The following SCN10A variants were observed in gnomAD, a reference collection of about 807,000 sequenced individuals.
The protein encoded by SCN10A is sodium channel protein type 10 subunit alpha.
SCN10A carries 162 observed loss-of-function variants against 170.7 expected under a neutral mutation model. That is an observed-to-expected ratio of 0.95 (90% CI 0.84 to 1.08). The LOEUF (loss-of-function observed/expected upper bound fraction) is 1.08. Ranked by LOEUF, SCN10A falls within the 50% of genes least tolerant of loss-of-function variation. The pLI, the probability that SCN10A is intolerant of heterozygous loss-of-function variation, is 0.00. For synonymous variants in SCN10A, 985 were observed against 904.6 expected, an observed-to-expected ratio of 1.09 and a Z score of -1.59; for missense variants, 2,527 against 2,436.9, an observed-to-expected ratio of 1.04 and a Z score of -0.78.
At chr3:38,745,244 C>T (rs1304617571) in intron 13 of SCN10A, among the ~76,000 whole-genome samples, 1 of 152,282 alleles carries the variant, frequency 6.6e-6, no homozygotes, top group East Asian at 1.9e-4. Flanking sequence ...CATGGCCCCA[C>T]CTCAAAAGGA....
At chr3:38,740,373 C>A (rs1288285522) in intron 14 of SCN10A, among the ~76,000 whole-genome samples, 1 of 152,206 alleles carries the variant, frequency 6.6e-6, no homozygotes, top group Non-Finnish European at 1.5e-5. Context: ...AGGAGGAAAG[C>A]AACGACCAGG....
intron 4 of SCN10A, among the ~76,000 whole-genome samples, 157 bp from the exon 5 acceptor site, chr3:38,771,564 G>T (rs143785361): frequency 1.3e-5 from 2 of 152,134 alleles, no homozygotes; most frequent in African/African-American, 4.8e-5. Context: ...GGTAAGGAGA[G>T]GAAACAAGAC....
At chr3:38,752,148 C>G in intron 12 of SCN10A, 71 bp downstream of exon 12, 1 of 1,361,868 alleles carries the variant, frequency 7.3e-7, no homozygotes, top group African/African-American at 1.5e-5. Flanking sequence ...ATTGGTGATA[C>G]TCAGGCTTCT....
intron 16 of SCN10A, 29 bp downstream of exon 16, chr3:38,728,513 C>CAGTG: frequency 6.5e-7 from 1 of 1,529,424 alleles, no homozygotes; most frequent in Non-Finnish European, 8.8e-7. Context: ...CCCCAGGAGA[C>CAGTG]AGTGCCCCCA....
At chr3:38,806,676 T>C (rs1366033821) in intron 1 of SCN10A, among the ~76,000 whole-genome samples, 2 of 152,272 alleles carry the variant, frequency 1.3e-5, no homozygotes, top group South Asian at 2.1e-4. Context: ...GTAAGGTAAA[T>C]TATAGACAAA....
At chr3:38,726,110 A>G (rs1037855306) in intron 17 of SCN10A, among the ~76,000 whole-genome samples, 3 of 152,230 alleles carry the variant, frequency 2.0e-5, no homozygotes, top group African/African-American at 7.2e-5. Flanking sequence ...ATTTAAAAAT[A>G]TATATTATCA....
intron 26 of SCN10A, among the ~76,000 whole-genome samples, chr3:38,705,672 C>A (rs6422143): frequency 1.3e-5 from 2 of 152,116 alleles, no homozygotes; most frequent in Admixed American, 6.5e-5. Context: ...TGGGTGATGA[C>A]AGGGAAGAAG....
intron 4 of SCN10A, among the ~76,000 whole-genome samples, chr3:38,787,964 G>C (rs1374811461): frequency 6.6e-6 from 1 of 151,822 alleles, no homozygotes; most frequent in African/African-American, 2.4e-5. Context: ...ATGGTTTCCA[G>C]CTTCATCCAT....
chr3:38,751,732 G>A (rs2063749015), intron 12 of SCN10A, among the ~76,000 whole-genome samples: 1 of 152,110 alleles, frequency 6.6e-6, no homozygotes, highest in Non-Finnish European at 1.5e-5. Context: ...GCTCATTTTG[G>A]CAAATTATTT....
intron 13 of SCN10A, among the ~76,000 whole-genome samples, chr3:38,743,356 C>A (rs565855338): frequency 6.6e-6 from 1 of 152,324 alleles, no homozygotes; most frequent in South Asian, 2.1e-4. Flanking sequence ...ATCATCCAGA[C>A]CTGTCTCCCT....
In SCN10A at chr3:38,696,825, T is replaced by A. The variant is rs1252885091; in HGVS notation, c.*524A>T. On this transcript the variant is annotated 3_prime_UTR_variant, in exon 28 of 28. Transcript: ENST00000449082. ...GTGGACATACATTTAAAAATATTAATTTTAATGGATATCTCAAAGGCTTTT... is the reference window on the plus strand; with the variant it reads ...GTGGACATACATTTAAAAATATTAAATTTAATGGATATCTCAAAGGCTTTT... 1 of 158,328 alleles carries A rather than the reference T, an allele frequency of 6.3e-6. No individual in the cohort carries two copies. The highest frequency in any genetic ancestry group is 1.4e-5 in the Non-Finnish European group (1 of 71,118). 9.8% of individuals were successfully genotyped at this position (158,328 alleles called of 1,614,324 possible).
chr3:38,771,686 C>T (rs560051435), intron 4 of SCN10A, among the ~76,000 whole-genome samples: 316 of 152,274 alleles, frequency 2.1e-3, no homozygotes, highest in African/African-American at 7.4e-3. Flanking sequence ...AGGGCAGTAG[C>T]GGGTGAAGAG....
Position 38,752,612 on chromosome 3 carries a change from G to C in SCN10A, c.1462-100C>G, listed in dbSNP as rs1576002743. 12 of 971,588 alleles carry C rather than the reference G, an allele frequency of 1.2e-5. No homozygotes were observed. The East Asian group carries it at 3.0e-4, about 24-fold the overall frequency. The allele number at this position is 971,588 out of a possible 1,614,324, so 60.2% of individuals were successfully genotyped here. On this transcript the variant is annotated intron_variant, in intron 11 of 27. Transcript: ENST00000449082. ...TACCTACTCCCATTTCCCTGCCCCT[G>C]TCTTTATGACCTTTCAGTCACTAAG...
chr3:38,715,019 G>C (rs138702864), intron 21 of SCN10A, among the ~76,000 whole-genome samples: 1 of 152,294 alleles, frequency 6.6e-6, no homozygotes, highest in Non-Finnish European at 1.5e-5. Context: ...GAGTGGCAGA[G>C]CCCCAAGCAA....
chr3:38,719,044 G>A (rs1166580273), intron 20 of SCN10A, among the ~76,000 whole-genome samples: 1 of 152,210 alleles, frequency 6.6e-6, no homozygotes, highest in Non-Finnish European at 1.5e-5. Context: ...GGGCCAATGG[G>A]GACAAACAGC....
intron 4 of SCN10A, among the ~76,000 whole-genome samples, chr3:38,772,190 G>T (rs189247011): frequency 6.6e-5 from 10 of 152,024 alleles, no homozygotes; most frequent in African/African-American, 1.9e-4. Context: ...TCTGCTCCTC[G>T]TTAAGTTTCC....
At chr3:38,795,341 CTTTTTCTTTT>C (rs2064333247) in intron 1 of SCN10A, among the ~76,000 whole-genome samples, 1 of 127,876 alleles carries the variant, frequency 7.8e-6, no homozygotes, top group Admixed American at 8.1e-5. Context: ...TTTTCTTTTT[CTTTTTCTTTT>C]TTTTTTTTTG....
At chr3:38,748,855 T>C (rs931737694) in intron 13 of SCN10A, among the ~76,000 whole-genome samples, 8 of 152,254 alleles carry the variant, frequency 5.3e-5, no homozygotes, top group African/African-American at 1.9e-4. Flanking sequence ...TCTCACAGTA[T>C]CTTCCTTGAG....
In SCN10A at chr3:38,700,431, C is replaced by A. The variant is rs562029428; in HGVS notation, c.4657+1408G>T. ...CTAAAAATTTGCCAAGAGAATAAAT[C>A]TTAAGTGTTCCTAGCACCCAATAAA... On this transcript the variant is annotated intron_variant, in intron 27 of 27. Transcript: ENST00000449082. Among the ~76,000 whole-genome samples, 3 of 152,232 alleles carry A rather than the reference C, an allele frequency of 2.0e-5. No individual in the cohort carries two copies. The South Asian group carries it at 6.2e-4, about 32-fold the overall frequency.
Sources: allele counts gnomAD v4.1 joint callset (sites outside exome capture counted in the v4.1 genomes callset), GRCh38; gene constraint gnomAD v4.1.1; transcripts MANE v1.5; gene names NCBI Gene and HGNC (gene_info 2026-07-23, HGNC 2026-07-21).